ACSM1: variants seen among roughly 807,000 people sequenced by gnomAD.
The protein encoded by ACSM1 is acyl-CoA synthetase medium chain family member 1.
ACSM1 carries 79 observed loss-of-function variants against 75.8 expected under a neutral mutation model. The ratio of observed to expected loss-of-function variants is 1.04; its 90% CI spans 0.87 to 1.26. The LOEUF (loss-of-function observed/expected upper bound fraction) is 1.26, where lower values mean the gene tolerates loss of function less well. Ranked by LOEUF, ACSM1 falls within the 50% of genes most tolerant of loss-of-function variation. ACSM1 has a pLI of 0.00. For missense variants in ACSM1, 676 were observed against 720.1 expected (o/e 0.94, Z 0.70); for synonymous variants, 279 against 265.8 (o/e 1.05, Z -0.48).
chr16:20,627,239 C>T lies in ACSM1; in HGVS notation c.1377G>A (p.Glu459=), dbSNP rs748059374. 1 of 1,588,570 alleles carries T rather than the reference C, an allele frequency of 6.3e-7. No individual in the cohort carries two copies. The highest frequency in any genetic ancestry group is 8.6e-7 in the Non-Finnish European group (1 of 1,169,544). Residue 459 remains glutamate (E), a synonymous_variant, in exon 11 of 14, where the codon GAG becomes GAA. Coordinates refer to ENST00000520010, the MANE Select transcript of ACSM1 (RefSeq NM_001318890.3). ...TCCTCCCCAGGAAACAAATGTAGCC[C>T]TCTTCATCCATCTTACCTCTGTCCC... The part of the protein sequence containing the change: ...NTGDRGKMDE[E]GYICFLGRSD...
At chr16:20,665,202 A>C (rs543595709) in intron 6 of ACSM1, among the ~76,000 whole-genome samples, 61 of 152,240 alleles carry the variant, frequency 4.0e-4, no homozygotes, top group African/African-American at 1.0e-3. Context: ...TATCAATGAA[A>C]CTGAGAGCTT....
chr16:20,674,392 A>G (rs2020140491), intron 4 of ACSM1: 1 of 196,514 alleles, frequency 5.1e-6, no homozygotes, highest in African/African-American at 2.4e-5. Flanking sequence ...CAATTGAATA[A>G]CTGTCTTTGT....
At chr16:20,626,340 A>AAAAATAAAAT (rs550253121) in intron 11 of ACSM1, among the ~76,000 whole-genome samples, 2 of 152,152 alleles carry the variant, frequency 1.3e-5, no homozygotes, top group South Asian at 2.1e-4. Flanking sequence ...TCTGTCTCAG[A>AAAAATAAAAT]AAAATAAAAT....
chr16:20,629,990 C>CAAA (rs558208317), intron 10 of ACSM1, among the ~76,000 whole-genome samples: 1,813 of 80,886 alleles, frequency 0.022, 67 homozygotes, highest in African/African-American at 0.045. Flanking sequence ...GACTCCAACT[C>CAAA]AAAAAAAAAA....
At position 20,636,404 on chromosome 16, in the gene ACSM1, G is replaced by T. The variant is rs146873296; in HGVS notation, c.1299+335C>A. Among the ~76,000 whole-genome samples the T allele has an allele frequency of 4.6e-5, 7 of 152,270 alleles. No homozygotes were observed. In the East Asian group the frequency reaches 1.3e-3, roughly 29 times the overall value. ...GATAATAGAGTTCCCTGGAGGCTCA[G>T]CGAGGATAAGTGATTTGTTTACACT... is the stretch of plus-strand genomic sequence containing the variant. On this transcript the variant is annotated intron_variant, in intron 10 of 13. Coordinates refer to ENST00000520010, the MANE Select transcript of ACSM1 (RefSeq NM_001318890.3).
Position 20,648,074 on chromosome 16 carries a change from A to T in ACSM1, c.993-7490T>A, listed in dbSNP as rs2018458215. On this transcript the variant is annotated intron_variant, in intron 7 of 13. Coordinates refer to ENST00000520010, the MANE Select transcript of ACSM1 (RefSeq NM_001318890.3). This position sits in a 1 kb window ranked among gnomAD's most constrained non-coding sequence, Gnocchi z 4.2. Reference sequence around the variant, plus strand: ...CCCCTGCTCCCACTTTACTTCTCAAATTGTCTTTTTCTCAATCCTTTGACT... The same window carrying T: ...CCCCTGCTCCCACTTTACTTCTCAATTTGTCTTTTTCTCAATCCTTTGACT... 6.6e-6 allele frequency among the ~76,000 whole-genome samples: 1 copy of T among 151,884 alleles called. No individual in the cohort carries two copies. Among genetic ancestry groups the T allele is most frequent in the African/African-American group, 2.4e-5 (1 of 41,340 alleles).
At chr16:20,661,768 G>T (rs1462510052) in intron 7 of ACSM1, 26 bp downstream of exon 7, 2 of 1,537,750 alleles carry the variant, frequency 1.3e-6, no homozygotes, top group Middle Eastern at 1.7e-4. Flanking sequence ...ACCCAAAGAT[G>T]TTGTTACAAG....
intron 4 of ACSM1, among the ~76,000 whole-genome samples, chr16:20,672,170 T>C (rs558482767): frequency 1.3e-5 from 2 of 151,884 alleles, no homozygotes; most frequent in Admixed American, 6.6e-5. Flanking sequence ...GGATTCAAAC[T>C]CAGTCGGCAT....
Position 20,685,505 on chromosome 16 carries a change from T to C in ACSM1, c.193-102A>G, listed in dbSNP as rs917857147. 5 of 1,093,296 alleles carry C rather than the reference T, an allele frequency of 4.6e-6. No individual in the cohort carries two copies. The Admixed American group carries it at 7.1e-5, about 16-fold the overall frequency. 67.7% of individuals were successfully genotyped at this position (1,093,296 alleles called of 1,614,324 possible). ...AGTCACGTTCCAATGTGAACACAGC[T>C]TAAGGACTGAGATCCCATTTTAAAA... is the stretch of plus-strand genomic sequence containing the variant. On this transcript the variant is annotated intron_variant, in intron 2 of 13. Coordinates refer to ENST00000520010, the MANE Select transcript of ACSM1 (RefSeq NM_001318890.3).
intron 7 of ACSM1, among the ~76,000 whole-genome samples, chr16:20,655,181 A>AGG (rs1298728480): frequency 6.8e-6 from 1 of 145,996 alleles, no homozygotes; most frequent in African/African-American, 2.5e-5. Context: ...TCTCCCTCAT[A>AGG]GGTGGGAATT....
At chr16:20,688,687 T>G (rs1338291688) in intron 2 of ACSM1, among the ~76,000 whole-genome samples, 1 of 151,434 alleles carries the variant, frequency 6.6e-6, no homozygotes, top group African/African-American at 2.4e-5. Flanking sequence ...TCTTCAAAAG[T>G]AAAGGGGAAA....
At chr16:20,650,403 G>A (rs1317612597) in intron 7 of ACSM1, among the ~76,000 whole-genome samples, 2 of 152,036 alleles carry the variant, frequency 1.3e-5, no homozygotes, top group Non-Finnish European at 2.9e-5. Flanking sequence ...CTGGGAGCTT[G>A]ACCCCCCACA....
intron 1 of ACSM1, among the ~76,000 whole-genome samples, chr16:20,695,211 G>A (rs931881141): frequency 3.3e-5 from 5 of 152,222 alleles, no homozygotes; most frequent in Admixed American, 2.6e-4. Flanking sequence ...CAAACAACAC[G>A]GGCTCAAATT....
intron 4 of ACSM1, among the ~76,000 whole-genome samples, chr16:20,672,648 A>ATATATATAT: frequency 7.7e-6 from 1 of 130,220 alleles, no homozygotes; most frequent in Non-Finnish European, 1.5e-5. Context: ...ATATATAAGT[A>ATATATATAT]TATATAATAT....
chr16:20,655,882 C>G (rs1203029869), intron 7 of ACSM1, among the ~76,000 whole-genome samples: 1 of 152,126 alleles, frequency 6.6e-6, no homozygotes, highest in Non-Finnish European at 1.5e-5. Flanking sequence ...AGGCTGGTCT[C>G]GAACTCCTGA....
intron 5 of ACSM1, 91 bp downstream of exon 5, chr16:20,671,440 G>GACACACACACACACACAC (rs55913255): frequency 1.1e-6 from 1 of 920,186 alleles, no homozygotes; most frequent in African/African-American, 1.8e-5. Flanking sequence ...CCTTTCCCAA[G>GACACACACACACACACAC]ACACACACAC....
chr16:20,694,691 C>T (rs2079680274), intron 1 of ACSM1, among the ~76,000 whole-genome samples: 1 of 152,094 alleles, frequency 6.6e-6, no homozygotes, highest in Admixed American at 6.5e-5. Flanking sequence ...ATCCATTAAC[C>T]AGTTATCATG....
intron 7 of ACSM1, among the ~76,000 whole-genome samples, chr16:20,659,988 T>C (rs972588339): frequency 2.0e-5 from 3 of 152,196 alleles, no homozygotes; most frequent in Non-Finnish European, 4.4e-5. Context: ...ATGTATTTGA[T>C]TGATGTCTCA....
At position 20,691,244 on chromosome 16, in the gene ACSM1, G is replaced by A; in HGVS notation, c.-51-5C>T. On this transcript the variant is annotated splice_polypyrimidine_tract_variant and splice_region_variant and intron_variant, in intron 1 of 13. Coordinates refer to ENST00000520010, the MANE Select transcript of ACSM1 (RefSeq NM_001318890.3). Reference sequence around the variant, plus strand: ...AGTTCTCAAGTCACCACCTGCCTTGGGAAGAGATGGCTAATAGATTGGCTG... The same window carrying A: ...AGTTCTCAAGTCACCACCTGCCTTGAGAAGAGATGGCTAATAGATTGGCTG... 1.4e-6 allele frequency: 2 copies of A among 1,406,606 alleles called. No individual in the cohort carries two copies. The highest frequency in any genetic ancestry group is 3.0e-5 in the South Asian group (2 of 66,470). 87.1% of individuals were successfully genotyped at this position (1,406,606 alleles called of 1,614,324 possible).
Sources: gnomAD v4.1 joint callset for allele counts (sites outside exome capture counted in the v4.1 genomes callset) on GRCh38, gnomAD v4.1.1 for gene constraint, Gnocchi (gnomAD v3.1) non-coding constraint, MANE v1.5 for transcripts, NCBI Gene and HGNC (gene_info 2026-07-23, HGNC 2026-07-21) for gene names.